The following NMNAT3 variants were observed in gnomAD, a reference collection of about 807,000 sequenced individuals.
NMNAT3 encodes nicotinamide nucleotide adenylyltransferase 3, also known as nicotinamide/nicotinic acid mononucleotide adenylyltransferase 3.
A neutral mutation model predicts 24.8 loss-of-function variants in NMNAT3; 21 were observed. The ratio of observed to expected loss-of-function variants is 0.85; its 90% CI spans 0.60 to 1.22. The LOEUF (loss-of-function observed/expected upper bound fraction) is 1.22, where lower values mean the gene tolerates loss of function less well. Among genes scored for constraint, NMNAT3 ranks in the 50% most tolerant of loss-of-function variants. The probability of loss-of-function intolerance (pLI) is 0.00; values close to 1 mark genes in which losing one functional copy is unlikely to be tolerated. For synonymous variants in NMNAT3, 136 were observed against 155.2 expected, an observed-to-expected ratio of 0.88 and a Z score of 0.92; for missense variants, 387 against 436.6, an observed-to-expected ratio of 0.89 and a Z score of 1.01.
chr3:139,578,087 A>G (rs976761587), intron 5 of NMNAT3, among the ~76,000 whole-genome samples: 14 of 152,218 alleles, frequency 9.2e-5, no homozygotes, highest in Non-Finnish European at 1.8e-4. Context: ...GCTGGTTGTC[A>G]TTAGTGATGA....
chr3:139,632,292 C>T (rs2056332597), intron 2 of NMNAT3, among the ~76,000 whole-genome samples: 1 of 152,146 alleles, frequency 6.6e-6, no homozygotes, highest in African/African-American at 2.4e-5. Context: ...CAAGATCCCT[C>T]CCCAAAGCCC....
intron 3 of NMNAT3, among the ~76,000 whole-genome samples, chr3:139,592,213 G>A (rs1032164047): frequency 6.6e-6 from 1 of 152,192 alleles, no homozygotes; most frequent in Non-Finnish European, 1.5e-5. Context: ...GGAAGAAAGG[G>A]TATCAGCGAT....
At chr3:139,623,457 A>G (rs901959527) in intron 3 of NMNAT3, among the ~76,000 whole-genome samples, 3 of 152,200 alleles carry the variant, frequency 2.0e-5, no homozygotes, top group African/African-American at 7.2e-5. Flanking sequence ...AAATAAACAG[A>G]AGAAATAGAC....
At chr3:139,597,599 G>A (rs2054539324) in intron 3 of NMNAT3, among the ~76,000 whole-genome samples, 1 of 152,146 alleles carries the variant, frequency 6.6e-6, no homozygotes, top group Non-Finnish European at 1.5e-5. Context: ...CTTTGTGCTA[G>A]AAAATAGCTA....
At chr3:139,588,858 C>T (rs1269581415) in intron 3 of NMNAT3, among the ~76,000 whole-genome samples, 1 of 152,134 alleles carries the variant, frequency 6.6e-6, no homozygotes, top group East Asian at 1.9e-4. Context: ...GTATGTTTCC[C>T]AGAATGTCTC....
chr3:139,562,919 G>A (rs1936625110), intron 6 of NMNAT3, among the ~76,000 whole-genome samples: 2 of 152,194 alleles, frequency 1.3e-5, no homozygotes, highest in South Asian at 4.1e-4. Context: ...ATGCATGTAT[G>A]AACTCTTAGT....
At chr3:139,604,133 T>G (rs1224324378) in intron 3 of NMNAT3, among the ~76,000 whole-genome samples, 1 of 152,200 alleles carries the variant, frequency 6.6e-6, no homozygotes, top group Admixed American at 6.5e-5. Context: ...GCATGTCAGC[T>G]AAACTCATTG....
At chr3:139,619,666 A>G (rs559323344) in intron 3 of NMNAT3, among the ~76,000 whole-genome samples, 3 of 152,294 alleles carry the variant, frequency 2.0e-5, no homozygotes, top group African/African-American at 7.2e-5. Context: ...ATCTCACAAC[A>G]AAGACAACAC....
chr3:139,657,251 G>C (rs1004281524), intron 1 of NMNAT3, among the ~76,000 whole-genome samples: 1 of 152,142 alleles, frequency 6.6e-6, no homozygotes, highest in Non-Finnish European at 1.5e-5. Flanking sequence ...CAAGATCTTT[G>C]GTATTCAAGA....
intron 3 of NMNAT3, among the ~76,000 whole-genome samples, chr3:139,617,812 G>A (rs552103253): frequency 7.2e-5 from 11 of 152,260 alleles, no homozygotes; most frequent in African/African-American, 2.6e-4. Context: ...TACACGTTGG[G>A]AAAACAAGCA....
At chr3:139,622,848 T>TTTTATA (rs1553753089) in intron 3 of NMNAT3, among the ~76,000 whole-genome samples, 1 of 136,368 alleles carries the variant, frequency 7.3e-6, no homozygotes, top group East Asian at 2.0e-4. Context: ...ATTATATATA[T>TTTTATA]TATATATATA....
intron 3 of NMNAT3, among the ~76,000 whole-genome samples, chr3:139,591,240 C>T (rs967791855): frequency 7.3e-5 from 11 of 151,652 alleles, no homozygotes; most frequent in African/African-American, 2.7e-4. Context: ...CACTCCCACC[C>T]GAATATTGCG....
chr3:139,580,646 T>C (rs1348980216), intron 4 of NMNAT3, among the ~76,000 whole-genome samples: 1 of 152,136 alleles, frequency 6.6e-6, no homozygotes, highest in African/African-American at 2.4e-5. Flanking sequence ...TCATCCTGAG[T>C]GGGAGTAGAC....
At chr3:139,656,131 C>T (rs2057233740) in intron 1 of NMNAT3, among the ~76,000 whole-genome samples, 1 of 152,162 alleles carries the variant, frequency 6.6e-6, no homozygotes, top group Non-Finnish European at 1.5e-5. Context: ...TTAGGGATGG[C>T]TGGGGATGGA....
In NMNAT3 at chr3:139,561,159, A is replaced by G; in HGVS notation, c.892T>C (p.Tyr298His). Residue 298 changes from tyrosine to histidine, a missense_variant, in exon 7 of 7, where the codon TAC becomes CAC. Tyr to His is a moderately conservative substitution (Grantham distance 83). Coordinates refer to ENST00000643695, the MANE Select transcript of NMNAT3 (RefSeq NM_001320510.2). ...CCTTGGCCCAAGGCTCGCCTGATGTATGTGGCACTGATCTCATTCTGCACA... is the reference window on the plus strand; with the variant it reads ...CCTTGGCCCAAGGCTCGCCTGATGTGTGTGGCACTGATCTCATTCTGCACA... 1 of 1,614,122 alleles carries G rather than the reference A, an allele frequency of 6.2e-7. No individual in the cohort carries two copies. Among genetic ancestry groups the G allele is most frequent in the Non-Finnish European group, 8.5e-7 (1 of 1,180,034 alleles).
chr3:139,561,044 T>C lies in NMNAT3; in HGVS notation c.1007A>G (p.Lys336Arg). 6.2e-7 allele frequency: 1 copy of C among 1,613,766 alleles called. No individual in the cohort carries two copies. Among genetic ancestry groups the C allele is most frequent in the Non-Finnish European group, 8.5e-7 (1 of 1,179,952 alleles). The change falls in exon 7 of 7, where the codon AAA (lysine) becomes AGA (arginine). Residue 336 changes from lysine to arginine, a missense_variant. By Grantham distance (26) the Lys-to-Arg change is conservative (BLOSUM62 2). Around this residue, in one of 3 missense-constraint regions of NMNAT3, gnomAD observed 323 missense variants for 345.2 expected, o/e 0.94. Coordinates refer to ENST00000643695, the MANE Select transcript of NMNAT3 (RefSeq NM_001320510.2). ...CTTGCCCTCAGTGCTCTGGGTGCTTTTGCCTTTCCAGGTACTGCCCTTGGT... is the reference window on the plus strand; with the variant it reads ...CTTGCCCTCAGTGCTCTGGGTGCTTCTGCCTTTCCAGGTACTGCCCTTGGT...
chr3:139,656,787 G>A (rs749184207), intron 1 of NMNAT3, among the ~76,000 whole-genome samples: 1 of 152,118 alleles, frequency 6.6e-6, no homozygotes, highest in Non-Finnish European at 1.5e-5. Flanking sequence ...GTGAGACCCT[G>A]TCTCTAAAAA....
At chr3:139,658,050 T>C (rs2057301931) in intron 1 of NMNAT3, among the ~76,000 whole-genome samples, 1 of 151,988 alleles carries the variant, frequency 6.6e-6, no homozygotes, top group Non-Finnish European at 1.5e-5. Context: ...CATTCTCTGG[T>C]CTCAGGGTAG....
At chr3:139,657,020 G>A (rs888515019) in intron 1 of NMNAT3, among the ~76,000 whole-genome samples, 1 of 152,118 alleles carries the variant, frequency 6.6e-6, no homozygotes, top group African/African-American at 2.4e-5. Flanking sequence ...TTTAATATTT[G>A]CAGATACTGC....
Sources: gnomAD v4.1 joint callset for allele counts (sites outside exome capture counted in the v4.1 genomes callset) on GRCh38, gnomAD v4.1.1 for gene constraint, gnomAD v4.1.1 regional missense constraint, MANE v1.5 for transcripts, NCBI Gene and HGNC (gene_info 2026-07-23, HGNC 2026-07-21) for gene names.